MAPK4: variants seen among roughly 807,000 people sequenced by gnomAD.
The protein encoded by MAPK4 is Erk3-related.
MAPK4 carries 22 observed loss-of-function variants against 47.7 expected under a neutral mutation model. That is an observed-to-expected ratio of 0.46 (90% CI 0.33 to 0.66). The LOEUF is 0.66. Ranked by LOEUF, MAPK4 falls within the 30% of genes least tolerant of loss-of-function variation. The pLI, the probability that MAPK4 is intolerant of heterozygous loss-of-function variation, is 0.02. For missense variants in MAPK4, 736 were observed against 831.7 expected (o/e 0.88, Z 1.42); for synonymous variants, 390 against 365.7 (o/e 1.07, Z -0.76).
rs1415278752 is a variant in MAPK4 at position 50,656,730 on chromosome 18, G to A, written c.-870-6359G>A. Among the ~76,000 whole-genome samples the A allele has an allele frequency of 2.0e-5, 3 of 152,158 alleles. No individual in the cohort carries two copies. The South Asian group carries it at 6.2e-4, about 32-fold the overall frequency. ...GCTTATAGTAGGAATCACACAGTTG[G>A]CCCCTGAATGTTCCTGCATTGTTTC... On this transcript the variant is annotated intron_variant, in intron 1 of 5. Transcript: ENST00000400384.
chr18:50,664,047 T>C lies in MAPK4; in HGVS notation c.89T>C (p.Val30Ala), dbSNP rs1158452814. 1.2e-6 allele frequency: 2 copies of C among 1,613,810 alleles called. No individual in the cohort carries two copies. Among genetic ancestry groups the C allele is most frequent in the South Asian group, 2.2e-5 (2 of 91,058 alleles). ...FVDFQPLGFGVNGLVLSAVDS... is the reference protein window; with the variant it reads ...FVDFQPLGFGANGLVLSAVDS... ...GACTTCCAACCCCTGGGCTTCGGTGTCAATGGTTTGGTGCTGTCGGCCGTG... is the reference window on the plus strand; with the variant it reads ...GACTTCCAACCCCTGGGCTTCGGTGCCAATGGTTTGGTGCTGTCGGCCGTG... The change falls in exon 2 of 6, where the codon GTC becomes GCC. Residue 30 changes from valine to alanine, a missense_variant. Val to Ala is a moderately conservative substitution (Grantham distance 64). Coordinates refer to ENST00000400384, the MANE Select transcript of MAPK4 (RefSeq NM_002747.4). The surrounding 1 kb of genome is among the most constrained non-coding windows in gnomAD (Gnocchi z 6.0).
At chr18:50,559,630 C>G (rs1260518995), upstream of MAPK4, among the ~76,000 whole-genome samples, 1 of 138,834 alleles carries the variant, frequency 7.2e-6, no homozygotes, top group Non-Finnish European at 1.6e-5. Flanking sequence ...TCCCACCGGG[C>G]CCCCGGCGGC....
intron 1 of MAPK4, among the ~76,000 whole-genome samples, chr18:50,639,200 A>C (rs1427943264): frequency 6.6e-6 from 1 of 152,204 alleles, no homozygotes; most frequent in Non-Finnish European, 1.5e-5. Flanking sequence ...TGAAGACATA[A>C]AGTAATTCCC....
Position 50,721,926 on chromosome 18 carries a change from T to C in MAPK4, c.692-12T>C. On this transcript the variant is annotated splice_polypyrimidine_tract_variant and intron_variant, in intron 3 of 5. Coordinates refer to ENST00000400384, the MANE Select transcript of MAPK4 (RefSeq NM_002747.4). ...GGACAGCACACTTAACCATCTGGCATTGCCTCCCCAGGGGCCCATGAGCTG... is the reference window on the plus strand; with the variant it reads ...GGACAGCACACTTAACCATCTGGCACTGCCTCCCCAGGGGCCCATGAGCTG... The C allele has an allele frequency of 6.2e-7, 1 of 1,613,834 alleles. No individual in the cohort carries two copies. The highest frequency in any genetic ancestry group is 1.1e-5 in the South Asian group (1 of 91,066).
At chr18:50,588,897 C>A (rs191153555) in intron 1 of MAPK4, among the ~76,000 whole-genome samples, 3 of 152,220 alleles carry the variant, frequency 2.0e-5, no homozygotes, top group East Asian at 1.9e-4. Flanking sequence ...TGTGAACATA[C>A]GGTAATGGGA....
chr18:50,687,678 A>G (rs1191161327), intron 2 of MAPK4, among the ~76,000 whole-genome samples: 1 of 151,586 alleles, frequency 6.6e-6, no homozygotes, highest in Non-Finnish European at 1.5e-5. Context: ...TCCCAGCGAG[A>G]CTCTGCGGTG....
At chr18:50,687,267 C>T (rs1908932152) in intron 2 of MAPK4, among the ~76,000 whole-genome samples, 1 of 152,054 alleles carries the variant, frequency 6.6e-6, no homozygotes, top group Admixed American at 6.6e-5. Flanking sequence ...TCAAGTGATC[C>T]TGTCACCTCA....
intron 1 of MAPK4, among the ~76,000 whole-genome samples, chr18:50,627,479 C>T (rs1361893788): frequency 6.6e-6 from 1 of 152,226 alleles, no homozygotes; most frequent in Non-Finnish European, 1.5e-5. Flanking sequence ...GAGGCTGCAG[C>T]TGTTTCCCAC....
chr18:50,682,572 T>TA (rs1425211331), intron 2 of MAPK4, among the ~76,000 whole-genome samples: 2 of 152,190 alleles, frequency 1.3e-5, no homozygotes, highest in Non-Finnish European at 2.9e-5. Flanking sequence ...CAACAATATA[T>TA]AAAAAGGATA....
chr18:50,639,989 C>T (rs2042924354), intron 1 of MAPK4, among the ~76,000 whole-genome samples: 1 of 152,212 alleles, frequency 6.6e-6, no homozygotes, highest in South Asian at 2.1e-4. Context: ...CTTTTGTTCT[C>T]CTAATGGAAT....
intron 1 of MAPK4, among the ~76,000 whole-genome samples, chr18:50,567,953 T>G (rs569634956): frequency 5.6e-4 from 85 of 152,110 alleles, no homozygotes; most frequent in African/African-American, 1.9e-3. Flanking sequence ...TCCCAGCACT[T>G]TGGGAGGCCG....
chr18:50,632,937 A>G (rs1294038134), intron 1 of MAPK4, among the ~76,000 whole-genome samples: 1 of 97,294 alleles, frequency 1.0e-5, no homozygotes, highest in Non-Finnish European at 2.3e-5. Context: ...TTTTATATAT[A>G]CCGCTGTGCT....
intron 1 of MAPK4, among the ~76,000 whole-genome samples, chr18:50,642,595 A>G (rs1168702010): frequency 6.6e-6 from 1 of 152,218 alleles, no homozygotes; most frequent in Admixed American, 6.5e-5. Flanking sequence ...ACAGGGAAGC[A>G]TGAGTTGAAC....
intron 1 of MAPK4, among the ~76,000 whole-genome samples, chr18:50,660,485 A>C (rs1156635070): frequency 6.6e-6 from 1 of 152,232 alleles, no homozygotes; most frequent in Non-Finnish European, 1.5e-5. Flanking sequence ...AGCTCCTTCC[A>C]GTCAACGGAT....
At chr18:50,627,080 C>T (rs1396608181) in intron 1 of MAPK4, among the ~76,000 whole-genome samples, 1 of 133,254 alleles carries the variant, frequency 7.5e-6, no homozygotes, top group African/African-American at 2.7e-5. Context: ...GGCCACATGG[C>T]CTCCATTTCC....
intron 1 of MAPK4, among the ~76,000 whole-genome samples, chr18:50,642,357 G>A (rs547380254): frequency 5.9e-5 from 9 of 152,208 alleles, no homozygotes; most frequent in Admixed American, 1.3e-4. Flanking sequence ...AATGGGTTTC[G>A]GGTGATGGTT....
chr18:50,720,198 C>G (rs145744817), intron 3 of MAPK4, among the ~76,000 whole-genome samples: 1 of 152,158 alleles, frequency 6.6e-6, no homozygotes, highest in South Asian at 2.1e-4. Flanking sequence ...GAATCACTCA[C>G]GGATGATTAG....
At position 50,664,560 on chromosome 18, in the gene MAPK4, T is replaced by A; in HGVS notation, c.546+56T>A. 1 of 1,517,594 alleles carries A rather than the reference T, an allele frequency of 6.6e-7. No homozygotes were observed. The highest frequency in any genetic ancestry group is 8.9e-7 in the Non-Finnish European group (1 of 1,122,522). The allele number at this position is 1,517,594 out of a possible 1,614,324, so 94.0% of individuals were successfully genotyped here. A position where few individuals can be genotyped will look rare whatever the true frequency, so the allele number is the denominator to read the frequency against. On this transcript the variant is annotated intron_variant, in intron 2 of 5. Coordinates refer to ENST00000400384, the MANE Select transcript of MAPK4 (RefSeq NM_002747.4). This position sits in a 1 kb window ranked among gnomAD's most constrained non-coding sequence, Gnocchi z 6.0. ...GGTCCACAGAATCCCCAAGAATACT[T>A]GCAGCATTCCCAAGCTATTCCTAGC...
intron 2 of MAPK4, among the ~76,000 whole-genome samples, chr18:50,711,904 C>T (rs1412220767): frequency 6.7e-6 from 1 of 149,240 alleles, no homozygotes; most frequent in East Asian, 2.0e-4. Context: ...GAATTCTGAT[C>T]ACCAGTACCA....
Sources: allele counts gnomAD v4.1 joint callset (sites outside exome capture counted in the v4.1 genomes callset), GRCh38; gene constraint gnomAD v4.1.1; non-coding constraint Gnocchi (gnomAD v3.1); transcripts MANE v1.5; gene names NCBI Gene and HGNC (gene_info 2026-07-23, HGNC 2026-07-21).